The following RBKS variants were observed in gnomAD, a reference collection of about 807,000 sequenced individuals.
RBKS encodes the protein ribokinase.
In RBKS, 33 loss-of-function variants were observed where a neutral mutation model predicts 33.9. The ratio of observed to expected loss-of-function variants is 0.97; its 90% CI spans 0.74 to 1.30. RBKS has a LOEUF of 1.30. Among genes scored for constraint, RBKS ranks in the 50% most tolerant of loss-of-function variants. The pLI is 0.00. For missense variants in RBKS, 361 were observed against 392.6 expected, an observed-to-expected ratio of 0.92 and a Z score of 0.68; for synonymous variants, 125 against 143.0, an observed-to-expected ratio of 0.87 and a Z score of 0.90.
At chr2:27,846,308 CATTT>C (rs1023180943) in intron 4 of RBKS, among the ~76,000 whole-genome samples, 9 of 152,126 alleles carry the variant, frequency 5.9e-5, no homozygotes, top group African/African-American at 2.2e-4. Flanking sequence ...TTCACTCATG[CATTT>C]ATTTATTTAG....
At chr2:27,860,257 G>A (rs985090092) in intron 1 of RBKS, among the ~76,000 whole-genome samples, 4 of 152,174 alleles carry the variant, frequency 2.6e-5, no homozygotes, top group African/African-American at 9.6e-5. Context: ...GACAAGTGAT[G>A]ATGAGATTTT....
At position 27,797,439 on chromosome 2, in the gene RBKS, C is replaced by T. The variant is rs141802368; in HGVS notation, c.796-15651G>A. Among the ~76,000 whole-genome samples, 890 of 152,314 alleles carry T rather than the reference C, an allele frequency of 5.8e-3. 5 individuals carry two copies. Among genetic ancestry groups the T allele is most frequent in the Non-Finnish European group, 7.1e-3 (483 of 68,024 alleles). ...ATTCAAGGAGGTTAAATCTCTTGCC[C>T]AGTGTAAAGAAAAGGTGGTAAATGG... On this transcript the variant is annotated intron_variant, in intron 7 of 7. Coordinates refer to ENST00000302188, the MANE Select transcript of RBKS (RefSeq NM_022128.3).
chr2:27,846,653 CTT>C (rs895819869), intron 4 of RBKS, among the ~76,000 whole-genome samples: 1 of 152,178 alleles, frequency 6.6e-6, no homozygotes, highest in Non-Finnish European at 1.5e-5. Flanking sequence ...ACTCATCAAA[CTT>C]TTCTTTGCAC....
Position 27,875,573 on chromosome 2 carries a change from C to G in RBKS, c.89+14684G>C, listed in dbSNP as rs146939913. ...GACTCAAAATAAAACAAAACAAAAA[C>G]AAGAATGTTATTTCCTTTGGCCTAG... On this transcript the variant is annotated intron_variant, in intron 1 of 7. Coordinates refer to ENST00000302188, the MANE Select transcript of RBKS (RefSeq NM_022128.3). Among the ~76,000 whole-genome samples the G allele has an allele frequency of 2.6e-5, 4 of 152,166 alleles. No homozygotes were observed. In the East Asian group the frequency reaches 7.7e-4, roughly 29 times the overall value.
intron 7 of RBKS, among the ~76,000 whole-genome samples, chr2:27,805,258 CATTA>C (rs1229920427): frequency 6.6e-6 from 1 of 152,190 alleles, no homozygotes; most frequent in East Asian, 1.9e-4. Context: ...GACAAACTTG[CATTA>C]ACTGGTTTGG....
intron 7 of RBKS, among the ~76,000 whole-genome samples, chr2:27,817,885 C>T (rs1006053831): frequency 9.9e-5 from 15 of 152,170 alleles, no homozygotes; most frequent in Middle Eastern, 3.4e-3. Flanking sequence ...AATAGCATGG[C>T]GAAAAGTGCC....
At chr2:27,783,485 G>A (rs1476605746) in intron 7 of RBKS, among the ~76,000 whole-genome samples, 3 of 152,172 alleles carry the variant, frequency 2.0e-5, no homozygotes, top group Non-Finnish European at 4.4e-5. Flanking sequence ...GCTGGTGAAG[G>A]CCATGGAAAC....
chr2:27,860,477 T>C (rs186534046), intron 1 of RBKS, among the ~76,000 whole-genome samples: 6 of 152,344 alleles, frequency 3.9e-5, no homozygotes, highest in East Asian at 3.8e-4. Context: ...AAGAAACTTA[T>C]GATTTCCACT....
At chr2:27,805,200 G>A (rs1187305392) in intron 7 of RBKS, among the ~76,000 whole-genome samples, 5 of 152,082 alleles carry the variant, frequency 3.3e-5, no homozygotes, top group Non-Finnish European at 7.4e-5. Flanking sequence ...TTAAAAAATC[G>A]CAGAAAAATT....
At chr2:27,852,810 G>A (rs552468504) in intron 2 of RBKS, among the ~76,000 whole-genome samples, 61 of 152,306 alleles carry the variant, frequency 4.0e-4, no homozygotes, top group African/African-American at 1.4e-3. Context: ...AAACTAAGAT[G>A]AATATAATTT....
chr2:27,817,883 G>A (rs1573046100), intron 7 of RBKS, among the ~76,000 whole-genome samples: 2 of 152,196 alleles, frequency 1.3e-5, no homozygotes, highest in South Asian at 4.1e-4. Flanking sequence ...AGAATAGCAT[G>A]GCGAAAAGTG....
At position 27,815,912 on chromosome 2, in the gene RBKS, A is replaced by G. The variant is rs1482061108; in HGVS notation, c.795+11655T>C. 5.3e-5 allele frequency among the ~76,000 whole-genome samples: 8 copies of G among 152,260 alleles called. No homozygotes were observed. The East Asian group carries it at 1.5e-3, about 29-fold the overall frequency. ...GCTGAAACAATGGTTCCTTTTCTGT[A>G]CTGTACATCCACTTCCATACCCCAC... On this transcript the variant is annotated intron_variant, in intron 7 of 7. Transcript: ENST00000302188.
chr2:27,802,955 C>T (rs1412738674), intron 7 of RBKS, among the ~76,000 whole-genome samples: 1 of 152,154 alleles, frequency 6.6e-6, no homozygotes, highest in Admixed American at 6.5e-5. Flanking sequence ...AGCCTAGTTC[C>T]ACAGCTCAAA....
At chr2:27,835,241 A>T (rs989920113) in intron 5 of RBKS, among the ~76,000 whole-genome samples, 1 of 149,802 alleles carries the variant, frequency 6.7e-6, no homozygotes, top group African/African-American at 2.5e-5. Flanking sequence ...GCGTCATTGC[A>T]CTCCAGCCTG....
intron 2 of RBKS, among the ~76,000 whole-genome samples, chr2:27,850,256 G>A (rs1298648056): frequency 6.6e-6 from 1 of 152,174 alleles, no homozygotes; most frequent in Non-Finnish European, 1.5e-5. Flanking sequence ...CCGGCAACTA[G>A]TATCCCCCAC....
At chr2:27,791,148 A>G (rs1054317755) in intron 7 of RBKS, among the ~76,000 whole-genome samples, 2 of 152,244 alleles carry the variant, frequency 1.3e-5, no homozygotes, top group African/African-American at 4.8e-5. Context: ...AATTATGCTA[A>G]GTGGGAGAAG....
At chr2:27,885,512 T>G (rs1664510231) in intron 1 of RBKS, among the ~76,000 whole-genome samples, 2 of 152,206 alleles carry the variant, frequency 1.3e-5, no homozygotes, top group South Asian at 4.1e-4. Context: ...GGACTCCATG[T>G]TCTTCACTGA....
At chr2:27,828,395 G>A (rs1678358817) in intron 6 of RBKS, among the ~76,000 whole-genome samples, 1 of 152,142 alleles carries the variant, frequency 6.6e-6, no homozygotes, top group South Asian at 2.1e-4. Flanking sequence ...TGTAAGTTTG[G>A]CACCTAAGGA....
intron 6 of RBKS, among the ~76,000 whole-genome samples, chr2:27,829,579 G>C (rs528158342): frequency 3.4e-4 from 52 of 151,928 alleles, no homozygotes; most frequent in African/African-American, 1.2e-3. Context: ...ATGTTGACCA[G>C]GATGGTCTCG....
Sources: gnomAD v4.1 joint callset for allele counts (sites outside exome capture counted in the v4.1 genomes callset) on GRCh38, gnomAD v4.1.1 for gene constraint, MANE v1.5 for transcripts, NCBI Gene and HGNC (gene_info 2026-07-23, HGNC 2026-07-21) for gene names.